Variants in TNIK observed in about 807,000 individuals in gnomAD.
TNIK encodes the protein TRAF2 and NCK interacting kinase.
A neutral mutation model predicts 191.3 loss-of-function variants in TNIK; 49 were observed. The ratio of observed to expected loss-of-function variants is 0.26; its 90% CI spans 0.20 to 0.32. TNIK has a LOEUF of 0.32. Ranked by LOEUF, TNIK falls within the 10% of genes least tolerant of loss-of-function variation. TNIK has a pLI of 1.00. For missense variants in TNIK, 1,155 were observed against 1,702.3 expected (o/e 0.68, Z 5.66); for synonymous variants, 594 against 600.9 (o/e 0.99, Z 0.17).
chr3:171,399,045 A>G (rs1172584088), intron 1 of TNIK, among the ~76,000 whole-genome samples: 1 of 152,182 alleles, frequency 6.6e-6, no homozygotes, highest in African/African-American at 2.4e-5. Flanking sequence ...GAGCTTACTT[A>G]CTTTTCTAAC....
intron 2 of TNIK, among the ~76,000 whole-genome samples, chr3:171,247,600 G>A (rs1307635955): frequency 6.6e-5 from 10 of 152,226 alleles, no homozygotes; most frequent in Non-Finnish European, 1.5e-5. Context: ...GGCTTCAGGA[G>A]GTCAAGTCAG....
chr3:171,321,295 T>A (rs1205163446), intron 2 of TNIK, among the ~76,000 whole-genome samples: 1 of 152,190 alleles, frequency 6.6e-6, no homozygotes, highest in East Asian at 1.9e-4. Context: ...CATCTGTTGT[T>A]TCAGAGAACA....
At chr3:171,261,905 T>A (rs2109132616) in intron 2 of TNIK, among the ~76,000 whole-genome samples, 1 of 152,246 alleles carries the variant, frequency 6.6e-6, no homozygotes, top group East Asian at 1.9e-4. Context: ...GGTAGAAAAA[T>A]CCTCTGTGAA....
intron 2 of TNIK, among the ~76,000 whole-genome samples, chr3:171,313,224 C>T (rs1191340191): frequency 6.6e-6 from 1 of 151,308 alleles, no homozygotes; most frequent in East Asian, 1.9e-4. Flanking sequence ...TTGTGATACT[C>T]TCTACCAACA....
chr3:171,238,264 T>C (rs1744543203), intron 2 of TNIK, among the ~76,000 whole-genome samples: 4 of 152,074 alleles, frequency 2.6e-5, no homozygotes, highest in Admixed American at 2.6e-4. Context: ...TTGAATTTTA[T>C]GATTGTGCCA....
intron 14 of TNIK, 57 bp downstream of exon 14, chr3:171,139,413 C>CAA (rs1491379678): frequency 2.0e-6 from 3 of 1,503,230 alleles, no homozygotes; most frequent in East Asian, 4.5e-5. Flanking sequence ...CACACACACA[C>CAA]AAACACTTGC....
intron 1 of TNIK, among the ~76,000 whole-genome samples, chr3:171,426,453 T>C (rs1724626241): frequency 6.7e-6 from 1 of 150,006 alleles, no homozygotes; most frequent in African/African-American, 2.4e-5. Context: ...ATACCTAATG[T>C]AAATGACGAG....
At position 171,161,366 on chromosome 3, in the gene TNIK, C is replaced by CA. The variant is rs758366968; in HGVS notation, c.950-31dup. The stretch of plus-strand genomic sequence containing the variant: ...AGAAAGATCCCAGCATGTTAGTGCA[C>CA]AAAAAGATGCTATGGCTCAGTAAAG... On this transcript the variant is annotated intron_variant, in intron 10 of 32. Coordinates refer to ENST00000436636, the MANE Select transcript of TNIK (RefSeq NM_015028.4). 2.5e-6 allele frequency: 4 copies of CA among 1,601,844 alleles called. No homozygotes were observed. In the East Asian group the frequency reaches 8.9e-5, roughly 36 times the overall value.
intron 1 of TNIK, among the ~76,000 whole-genome samples, chr3:171,383,041 T>C (rs1056833465): frequency 1.3e-5 from 2 of 152,150 alleles, no homozygotes; most frequent in Admixed American, 1.3e-4. Context: ...GCATCAATCC[T>C]GTGAAGTAGA....
At chr3:171,104,716 T>TC (rs1724417987) in intron 21 of TNIK, among the ~76,000 whole-genome samples, 1 of 152,190 alleles carries the variant, frequency 6.6e-6, no homozygotes. Flanking sequence ...AGCTTTTTTT[T>TC]CTCTTTGTAT....
chr3:171,102,881 A>G (rs1041458232), intron 21 of TNIK, among the ~76,000 whole-genome samples: 1 of 152,212 alleles, frequency 6.6e-6, no homozygotes, highest in Admixed American at 6.5e-5. Context: ...TAGTTAAATT[A>G]TAATTTTATT....
chr3:171,426,322 G>A (rs1000843772), intron 1 of TNIK, among the ~76,000 whole-genome samples: 6 of 147,744 alleles, frequency 4.1e-5, no homozygotes, highest in African/African-American at 1.2e-4. Flanking sequence ...ACCAAACACC[G>A]CATGTTCTCA....
At chr3:171,113,998 T>TAAA (rs10576485) in intron 18 of TNIK, among the ~76,000 whole-genome samples, 46 of 139,446 alleles carry the variant, frequency 3.3e-4, no homozygotes, top group African/African-American at 9.6e-4. Context: ...ACGATTTTGT[T>TAAA]AAAAAAAAAA....
intron 2 of TNIK, among the ~76,000 whole-genome samples, chr3:171,355,173 C>T (rs1713849777): frequency 1.3e-5 from 2 of 152,150 alleles, no homozygotes; most frequent in Non-Finnish European, 2.9e-5. Context: ...TAATCATCTG[C>T]TCATCCCATT....
chr3:171,292,239 G>A (rs1751766365), intron 2 of TNIK, among the ~76,000 whole-genome samples: 1 of 152,058 alleles, frequency 6.6e-6, no homozygotes, highest in Non-Finnish European at 1.5e-5. Flanking sequence ...ATTTTCCCTT[G>A]AGAATGGGTC....
intron 21 of TNIK, among the ~76,000 whole-genome samples, chr3:171,104,072 T>TA (rs1560114532): frequency 2.7e-5 from 4 of 146,004 alleles, no homozygotes; most frequent in Admixed American, 6.6e-5. Flanking sequence ...ACAATTAAAC[T>TA]TAAAGGAAAT....
chr3:171,165,346 G>C (rs1466865644), intron 10 of TNIK, among the ~76,000 whole-genome samples: 1 of 149,870 alleles, frequency 6.7e-6, no homozygotes, highest in East Asian at 2.0e-4. Context: ...ACTTTGAGAG[G>C]CTGAGGTGGA....
chr3:171,228,263 T>C (rs1743189300), intron 2 of TNIK, 42 bp from the exon 3 acceptor site: 2 of 1,609,948 alleles, frequency 1.2e-6, no homozygotes, highest in Non-Finnish European at 1.7e-6. Context: ...GTTCTGATGA[T>C]GAATAGTAGC....
chr3:171,312,393 A>C (rs1336030263), intron 2 of TNIK, among the ~76,000 whole-genome samples: 1 of 152,082 alleles, frequency 6.6e-6, no homozygotes, highest in Non-Finnish European at 1.5e-5. Context: ...CCGTTTTCAA[A>C]CTTAAAAAAA....
Sources: allele counts gnomAD v4.1 joint callset (sites outside exome capture counted in the v4.1 genomes callset), GRCh38; gene constraint gnomAD v4.1.1; transcripts MANE v1.5; gene names NCBI Gene and HGNC (gene_info 2026-07-23, HGNC 2026-07-21).